MINDY4: variants seen among roughly 807,000 people sequenced by gnomAD.
The protein encoded by MINDY4 is MINDY lysine 48 deubiquitinase 4.
In MINDY4, 68 loss-of-function variants were observed where a neutral mutation model predicts 87.0. The ratio of observed to expected loss-of-function variants is 0.78; its 90% CI spans 0.64 to 0.96. MINDY4 has a LOEUF of 0.96. Among genes scored for constraint, MINDY4 ranks in the 40% least tolerant of loss-of-function variants. The pLI is 0.00. For missense variants in MINDY4, 919 were observed against 928.2 expected, an observed-to-expected ratio of 0.99 and a Z score of 0.13; for synonymous variants, 379 against 363.2, an observed-to-expected ratio of 1.04 and a Z score of -0.50.
chr7:30,792,239 C>G (rs1159723367), intron 5 of MINDY4, among the ~76,000 whole-genome samples: 1 of 152,202 alleles, frequency 6.6e-6, no homozygotes, highest in Non-Finnish European at 1.5e-5. Flanking sequence ...AAGAATAAAT[C>G]CCACTTGGCT....
chr7:30,840,770 G>A lies in MINDY4; in HGVS notation c.1367G>A (p.Cys456Tyr). 3 of 1,614,090 alleles carry A rather than the reference G, an allele frequency of 1.9e-6. No individual in the cohort carries two copies. Among genetic ancestry groups the A allele is most frequent in the Non-Finnish European group, 2.5e-6 (3 of 1,179,968 alleles). Residue 456 changes from cysteine (C) to tyrosine (Y), a missense_variant, in exon 9 of 18, where the codon TGC (cysteine) becomes TAC (tyrosine). Coordinates refer to ENST00000265299, the MANE Select transcript of MINDY4 (RefSeq NM_032222.3). The part of the protein sequence containing the change: ...YGIVQNKGGP[C>Y]GVLAAVQGCV... ...TCTCATTCTTTGCAGGGTGGTCCTTGCGGAGTCCTGGCAGCTGTCCAAGGC... is the reference window on the plus strand; with the variant it reads ...TCTCATTCTTTGCAGGGTGGTCCTTACGGAGTCCTGGCAGCTGTCCAAGGC...
rs78970709 is a variant in MINDY4 at position 30,862,928 on chromosome 7, G to T, written c.1745+3604G>T. ...TAAGCTTTATTTTCAAGCTCACTGTGTGAAGCAGATGCAGCGGAATGACTT... is the reference window on the plus strand; with the variant it reads ...TAAGCTTTATTTTCAAGCTCACTGTTTGAAGCAGATGCAGCGGAATGACTT... On this transcript the variant is annotated intron_variant, in intron 13 of 17. Coordinates refer to ENST00000265299, the MANE Select transcript of MINDY4 (RefSeq NM_032222.3). Among the ~76,000 whole-genome samples the T allele has an allele frequency of 4.4e-3, 667 of 152,310 alleles. 4 individuals carry two copies. The highest frequency in any genetic ancestry group is 0.015 in the African/African-American group (623 of 41,568).
intron 13 of MINDY4, among the ~76,000 whole-genome samples, chr7:30,864,480 A>G (rs769256052): frequency 9.2e-5 from 14 of 152,198 alleles, no homozygotes; most frequent in Admixed American, 2.0e-4. Flanking sequence ...GAACCCAGAC[A>G]TTGTCTTTGG....
chr7:30,857,059 CATT>C (rs1009275987), intron 12 of MINDY4, among the ~76,000 whole-genome samples: 5 of 152,182 alleles, frequency 3.3e-5, no homozygotes, highest in African/African-American at 7.2e-5. Flanking sequence ...GTTGATTTAA[CATT>C]GTTGTTGATT....
intron 7 of MINDY4, among the ~76,000 whole-genome samples, 158 bp from the exon 8 acceptor site, chr7:30,839,042 A>G (rs1230848086): frequency 3.3e-5 from 5 of 152,218 alleles, no homozygotes; most frequent in Admixed American, 3.3e-4. Context: ...ATATAAGAAG[A>G]ATGAGCCTGA....
At chr7:30,783,983 C>G (rs986873206) in intron 3 of MINDY4, among the ~76,000 whole-genome samples, 1 of 152,234 alleles carries the variant, frequency 6.6e-6, no homozygotes, top group East Asian at 1.9e-4. Flanking sequence ...ACTGCAGTCC[C>G]CAGTAGTGAG....
At chr7:30,804,006 C>G (rs751848764) in intron 5 of MINDY4, among the ~76,000 whole-genome samples, 15 of 152,194 alleles carry the variant, frequency 9.9e-5, no homozygotes, top group Non-Finnish European at 1.5e-4. Flanking sequence ...CCATTCAGTC[C>G]TGCTGGAGTA....
intron 6 of MINDY4, among the ~76,000 whole-genome samples, chr7:30,830,364 T>G (rs1315177820): frequency 6.6e-6 from 1 of 152,140 alleles, no homozygotes; most frequent in Non-Finnish European, 1.5e-5. Context: ...ATAAGCCAGG[T>G]TCTGTGATGG....
At position 30,889,893 on chromosome 7, in the gene MINDY4, T is replaced by C. The variant is rs369542262; in HGVS notation, c.2226-2064T>C. Among the ~76,000 whole-genome samples the C allele has an allele frequency of 2.5e-4, 38 of 152,304 alleles. 1 individual carries two copies. The highest frequency in any genetic ancestry group is 8.4e-4 in the African/African-American group (35 of 41,566). On this transcript the variant is annotated intron_variant, in intron 17 of 17. Coordinates refer to ENST00000265299, the MANE Select transcript of MINDY4 (RefSeq NM_032222.3). ...TCTTTCAGTATTTATTCTTGAAATA[T>C]CTTTTAAAAATGTATGCAGATATTT...
intron 5 of MINDY4, among the ~76,000 whole-genome samples, chr7:30,826,790 A>G (rs1021152349): frequency 6.6e-5 from 10 of 152,270 alleles, no homozygotes; most frequent in African/African-American, 2.4e-4. Context: ...TAAGTGCTTC[A>G]TAAACCTGTT....
At chr7:30,829,712 T>C (rs1483138408) in intron 6 of MINDY4, among the ~76,000 whole-genome samples, 1 of 152,176 alleles carries the variant, frequency 6.6e-6, no homozygotes, top group Non-Finnish European at 1.5e-5. Context: ...ATGGGGTAGA[T>C]GTCTGTGCAT....
At chr7:30,802,051 TGAGATAATATTTGG>T (rs534412208) in intron 5 of MINDY4, among the ~76,000 whole-genome samples, 75 of 152,168 alleles carry the variant, frequency 4.9e-4, no homozygotes, top group African/African-American at 1.5e-3. Flanking sequence ...TGTTGGGCTC[TGAGATAATATTTGG>T]GAGATGAGTG....
chr7:30,836,708 C>T lies in MINDY4; in HGVS notation c.1183C>T (p.Pro395Ser), dbSNP rs369212440. ...GGAAGAGGTCATCCTGTCGCCAGTC[C>T]CATCAGTGCTCAAGTTGCAGACAGC... ...IREEVILSPV[P>S]SVLKLQTASK... The change falls in exon 7 of 18, where the codon CCA becomes TCA. Residue 395 changes from proline (P) to serine (S), a missense_variant. Pro to Ser is a moderately conservative substitution (Grantham distance 74). Coordinates refer to ENST00000265299, the MANE Select transcript of MINDY4 (RefSeq NM_032222.3). The T allele has an allele frequency of 2.5e-6, 4 of 1,614,090 alleles. No individual in the cohort carries two copies. In the East Asian group the frequency reaches 6.7e-5, roughly 27 times the overall value.
chr7:30,817,199 A>G (rs1372659532), intron 5 of MINDY4, among the ~76,000 whole-genome samples: 3 of 152,106 alleles, frequency 2.0e-5, no homozygotes, highest in Non-Finnish European at 4.4e-5. Flanking sequence ...TGTAACACCA[A>G]AGGTCATGCC....
Position 30,830,143 on chromosome 7 carries a change from C to T in MINDY4, c.1132+1406C>T, listed in dbSNP as rs187464159. Among the ~76,000 whole-genome samples, 276 of 152,290 alleles carry T rather than the reference C, an allele frequency of 1.8e-3. 5 individuals are homozygous for T. Among genetic ancestry groups the T allele is most frequent in the Non-Finnish European group, 4.6e-4 (31 of 68,028 alleles). ...TGGTTAGAGGAACAACACTCCTCCTCCACCCCAGTTCATTTTACTTTGGTT... is the reference window on the plus strand; with the variant it reads ...TGGTTAGAGGAACAACACTCCTCCTTCACCCCAGTTCATTTTACTTTGGTT... On this transcript the variant is annotated intron_variant, in intron 6 of 17. Coordinates refer to ENST00000265299, the MANE Select transcript of MINDY4 (RefSeq NM_032222.3).
chr7:30,824,047 T>C lies in MINDY4; in HGVS notation c.1074-4632T>C, dbSNP rs2128561480. On this transcript the variant is annotated intron_variant, in intron 5 of 17. Coordinates refer to ENST00000265299, the MANE Select transcript of MINDY4 (RefSeq NM_032222.3). ...CTGGGTTCTGATATTTCATCAAATATATAGCAAATGTCTTAGTCTGTTTTC... is the reference window on the plus strand; with the variant it reads ...CTGGGTTCTGATATTTCATCAAATACATAGCAAATGTCTTAGTCTGTTTTC... Among the ~76,000 whole-genome samples, 4 of 152,332 alleles carry C rather than the reference T, an allele frequency of 2.6e-5. No individual in the cohort carries two copies. The South Asian group carries it at 8.3e-4, about 32-fold the overall frequency.
chr7:30,843,685 G>A (rs752879480), intron 9 of MINDY4, among the ~76,000 whole-genome samples: 41 of 152,366 alleles, frequency 2.7e-4, no homozygotes, highest in Non-Finnish European at 4.3e-4. Flanking sequence ...AGCCATCCAG[G>A]TTGGGATCCC....
At chr7:30,888,293 C>T (rs1301019423) in intron 17 of MINDY4, among the ~76,000 whole-genome samples, 2 of 152,136 alleles carry the variant, frequency 1.3e-5, no homozygotes, top group Non-Finnish European at 2.9e-5. Context: ...AATTGTGTGC[C>T]CCTGGGGTTA....
intron 2 of MINDY4, chr7:30,779,823 T>G (rs763736024): frequency 2.6e-5 from 4 of 152,152 alleles, no homozygotes; most frequent in Non-Finnish European, 4.4e-5. Flanking sequence ...CTTCAGCAGA[T>G]TGGATTCGTA....
Sources: allele counts gnomAD v4.1 joint callset (sites outside exome capture counted in the v4.1 genomes callset), GRCh38; gene constraint gnomAD v4.1.1; transcripts MANE v1.5; gene names NCBI Gene and HGNC (gene_info 2026-07-23, HGNC 2026-07-21).